The following DNAJC8 variants were observed in gnomAD, a reference collection of about 807,000 sequenced individuals.
The protein encoded by DNAJC8 is dnaJ homolog subfamily C member 8.
DNAJC8 carries 24 observed loss-of-function variants against 43.2 expected under a neutral mutation model. That is an observed-to-expected ratio of 0.56 (90% CI 0.40 to 0.78). DNAJC8 has a LOEUF of 0.78. Ranked by LOEUF, DNAJC8 falls within the 30% of genes least tolerant of loss-of-function variation. The probability of loss-of-function intolerance (pLI) is 0.00; values close to 1 mark genes in which losing one functional copy is unlikely to be tolerated. For missense variants in DNAJC8, 207 were observed against 299.4 expected, an observed-to-expected ratio of 0.69 and a Z score of 2.28; for synonymous variants, 83 against 98.0, an observed-to-expected ratio of 0.85 and a Z score of 0.90.
chr1:28,209,580 C>T (rs1646795715), intron 5 of DNAJC8, among the ~76,000 whole-genome samples: 1 of 152,208 alleles, frequency 6.6e-6, no homozygotes, highest in Admixed American at 6.5e-5. Flanking sequence ...TCTTGCTAGC[C>T]TTTGCCAAGC....
intron 2 of DNAJC8, among the ~76,000 whole-genome samples, chr1:28,215,835 C>T (rs1464618945): frequency 1.3e-5 from 2 of 151,144 alleles, no homozygotes; most frequent in Non-Finnish European, 2.9e-5. Context: ...CCGCGCCCAG[C>T]CTTAAGCAAC....
intron 2 of DNAJC8, among the ~76,000 whole-genome samples, chr1:28,216,696 T>C (rs1646857575): frequency 6.6e-6 from 1 of 152,072 alleles, no homozygotes; most frequent in Admixed American, 6.6e-5. Context: ...GCTGGGCCCA[T>C]TTGCATGTGG....
intron 8 of DNAJC8, among the ~76,000 whole-genome samples, chr1:28,202,593 T>C (rs1207618601): frequency 1.6e-4 from 21 of 134,692 alleles, no homozygotes; most frequent in South Asian, 1.5e-3. Flanking sequence ...TTTTTCTTTT[T>C]TTTTTTTTTT....
chr1:28,206,578 C>T (rs893706737), intron 6 of DNAJC8, among the ~76,000 whole-genome samples: 13 of 152,162 alleles, frequency 8.5e-5, no homozygotes, highest in African/African-American at 2.7e-4. Flanking sequence ...AGTGACCCAG[C>T]CCCTGTCACA....
At chr1:28,207,093 T>C (rs1027081992) in intron 6 of DNAJC8, among the ~76,000 whole-genome samples, 3 of 151,356 alleles carry the variant, frequency 2.0e-5, no homozygotes, top group African/African-American at 7.3e-5. Flanking sequence ...CTGAAAAAAA[T>C]TGGGCCAGGT....
chr1:28,206,297 G>C (rs1213215836), intron 6 of DNAJC8, among the ~76,000 whole-genome samples: 1 of 152,012 alleles, frequency 6.6e-6, no homozygotes, highest in Non-Finnish European at 1.5e-5. Context: ...TGTCACCCAG[G>C]CTAGAGTGCA....
In DNAJC8 at chr1:28,201,925, T is replaced by C. The variant is rs1322872633; in HGVS notation, c.640-555A>G. Among the ~76,000 whole-genome samples the C allele has an allele frequency of 3.5e-5, 5 of 143,950 alleles. No homozygotes were observed. In the Admixed American group the frequency reaches 3.5e-4, roughly 10 times the overall value. 94.4% of individuals were successfully genotyped at this position (143,950 alleles called of 152,430 possible). A position where few individuals can be genotyped will look rare whatever the true frequency, so the allele number is the denominator to read the frequency against. Reference sequence around the variant, plus strand: ...CAATATGGAGAAACCCCATCTCTACTAAAAATATAAAAAGTTAGCCGGGCA... The same window carrying C: ...CAATATGGAGAAACCCCATCTCTACCAAAAATATAAAAAGTTAGCCGGGCA... On this transcript the variant is annotated intron_variant, in intron 8 of 8. Coordinates refer to ENST00000263697, the MANE Select transcript of DNAJC8 (RefSeq NM_014280.3).
chr1:28,228,553 C>A (rs1046664171), intron 2 of DNAJC8, among the ~76,000 whole-genome samples: 1 of 151,924 alleles, frequency 6.6e-6, no homozygotes, highest in Non-Finnish European at 1.5e-5. Flanking sequence ...GTTACATATC[C>A]CTAATCCAAA....
intron 5 of DNAJC8, among the ~76,000 whole-genome samples, chr1:28,209,084 T>C (rs1178189090): frequency 1.3e-5 from 2 of 152,186 alleles, no homozygotes; most frequent in Admixed American, 6.5e-5. Context: ...GATGACTTTC[T>C]TACAGGTGAA....
At chr1:28,226,957 C>T (rs1646939252) in intron 2 of DNAJC8, among the ~76,000 whole-genome samples, 2 of 150,388 alleles carry the variant, frequency 1.3e-5, no homozygotes, top group South Asian at 4.2e-4. Context: ...TTGTACTATT[C>T]CATTTTCCTC....
At position 28,233,005 on chromosome 1, in the gene DNAJC8, G is replaced by T; in HGVS notation, c.-7C>A. The stretch of plus-strand genomic sequence containing the variant: ...TCTCTCCTGAAGCCGCCATTTCCCC[G>T]GCCCAGCCACCACGTGACCCTTCTG... On this transcript the variant is annotated 5_prime_UTR_variant, in exon 1 of 9. Coordinates refer to ENST00000263697, the MANE Select transcript of DNAJC8 (RefSeq NM_014280.3). The T allele has an allele frequency of 6.2e-7, 1 of 1,611,248 alleles. No individual in the cohort carries two copies.
At chr1:28,210,692 A>G (rs1646804692) in intron 3 of DNAJC8, 55 bp from the exon 4 acceptor site, 1 of 1,442,834 alleles carries the variant, frequency 6.9e-7, no homozygotes, top group East Asian at 2.3e-5. Flanking sequence ...ACTAACTTCC[A>G]GCCTGCCCTG....
chr1:28,216,066 T>C (rs111370352), intron 2 of DNAJC8, among the ~76,000 whole-genome samples: 1,712 of 151,274 alleles, frequency 0.011, 42 homozygotes, highest in African/African-American at 0.04. Context: ...GGGGTCTCCC[T>C]GGCCGGGCGC....
At chr1:28,223,722 A>G (rs1018726535) in intron 2 of DNAJC8, among the ~76,000 whole-genome samples, 1 of 151,518 alleles carries the variant, frequency 6.6e-6, no homozygotes, top group Non-Finnish European at 1.5e-5. Context: ...ACAAAAAAAA[A>G]AAAAAGAAAA....
intron 4 of DNAJC8, chr1:28,210,344 C>T (rs1037895597): frequency 7.1e-6 from 4 of 564,816 alleles, no homozygotes; most frequent in Middle Eastern, 9.1e-4. Flanking sequence ...TGATCCTATG[C>T]AATAACAGTC....
intron 3 of DNAJC8, among the ~76,000 whole-genome samples, chr1:28,213,810 A>C (rs1646832436): frequency 6.6e-6 from 1 of 152,098 alleles, no homozygotes; most frequent in African/African-American, 2.4e-5. Context: ...TTGAGCCCAG[A>C]ATTGAGACCA....
chr1:28,208,451 G>A (rs1290843277), intron 5 of DNAJC8, 38 bp from the exon 6 acceptor site: 3 of 1,507,144 alleles, frequency 2.0e-6, no homozygotes, highest in Non-Finnish European at 2.7e-6. Flanking sequence ...ACGAGCATCT[G>A]TGCTTTGAGA....
chr1:28,210,164 T>C (rs1646800899), intron 4 of DNAJC8, 98 bp from the exon 5 acceptor site: 1 of 962,466 alleles, frequency 1.0e-6, no homozygotes, highest in Non-Finnish European at 1.6e-6. Context: ...CTCTAAAGCA[T>C]TCCCTACTTT....
intron 1 of DNAJC8, among the ~76,000 whole-genome samples, chr1:28,231,934 A>AT (rs1172506969): frequency 6.6e-6 from 1 of 151,796 alleles, no homozygotes; most frequent in Non-Finnish European, 1.5e-5. Flanking sequence ...GGCCCAGCTA[A>AT]TTTTTTGTAT....
Sources: gnomAD v4.1 joint callset for allele counts (sites outside exome capture counted in the v4.1 genomes callset) on GRCh38, gnomAD v4.1.1 for gene constraint, MANE v1.5 for transcripts, NCBI Gene and HGNC (gene_info 2026-07-23, HGNC 2026-07-21) for gene names.